KDM4C: variants seen among roughly 807,000 people sequenced by gnomAD.
KDM4C encodes the protein lysine-specific demethylase 4C.
KDM4C carries 81 observed loss-of-function variants against 129.3 expected under a neutral mutation model. The observed-to-expected ratio is 0.63, with a 90% CI of 0.52 to 0.75. The LOEUF (loss-of-function observed/expected upper bound fraction) is 0.75, where lower values mean the gene tolerates loss of function less well. Ranked by LOEUF, KDM4C falls within the 30% of genes least tolerant of loss-of-function variation. The pLI, the probability that KDM4C is intolerant of heterozygous loss-of-function variation, is 0.00. For missense variants in KDM4C, 1,457 were observed against 1,304.0 expected, an observed-to-expected ratio of 1.12 and a Z score of -1.81; for synonymous variants, 573 against 456.1, an observed-to-expected ratio of 1.26 and a Z score of -3.26.
intron 17 of KDM4C, among the ~76,000 whole-genome samples, chr9:7,050,628 A>T (rs1830030683): frequency 6.6e-6 from 1 of 152,110 alleles, no homozygotes; most frequent in Non-Finnish European, 1.5e-5. Flanking sequence ...ATATTTGTCA[A>T]AATTCTACAC....
At chr9:6,731,324 G>GTTTTTTTTTTTTTT (rs1563914599) in intron 1 of KDM4C, among the ~76,000 whole-genome samples, 1 of 92,946 alleles carries the variant, frequency 1.1e-5, no homozygotes, top group Non-Finnish European at 2.2e-5. Context: ...TTTTTTTTTT[G>GTTTTTTTTTTTTTT]CTTTTTTTTT....
intron 8 of KDM4C, among the ~76,000 whole-genome samples, chr9:6,960,553 G>A (rs1455495950): frequency 1.3e-5 from 2 of 152,084 alleles, no homozygotes; most frequent in Non-Finnish European, 2.9e-5. Context: ...GTCACTGTGC[G>A]TGGCCTATAA....
intron 8 of KDM4C, among the ~76,000 whole-genome samples, chr9:6,934,464 A>G (rs2131337026): frequency 6.8e-6 from 1 of 147,264 alleles, no homozygotes; most frequent in Admixed American, 6.7e-5. Context: ...TGGGTGACAG[A>G]GCAAGACCCC....
At chr9:6,798,655 A>G (rs573714096) in intron 2 of KDM4C, among the ~76,000 whole-genome samples, 182 of 152,318 alleles carry the variant, frequency 1.2e-3, no homozygotes, top group South Asian at 7.3e-3. Context: ...ACACAGACAC[A>G]GCAACCATCC....
Position 6,793,073 on chromosome 9 carries a change from T to C in KDM4C, c.85T>C (p.Phe29Leu). Residue 29 changes from phenylalanine (F) to leucine (L), a missense_variant, in exon 2 of 22, where the codon TTC becomes CTC. Coordinates refer to ENST00000381309, the MANE Select transcript of KDM4C (RefSeq NM_015061.6). ...ACCCTCCATGGAGGAGTTCCGGGAG[T>C]TCAACAAATACCTTGCATACATGGA... ...FRPSMEEFREFNKYLAYMESK... is the reference protein window; with the variant it reads ...FRPSMEEFRELNKYLAYMESK... 6.2e-7 allele frequency: 1 copy of C among 1,613,592 alleles called. No homozygotes were observed. Among genetic ancestry groups the C allele is most frequent in the Non-Finnish European group, 8.5e-7 (1 of 1,179,906 alleles).
chr9:7,017,384 T>C (rs1026719251), intron 15 of KDM4C, among the ~76,000 whole-genome samples: 2 of 152,224 alleles, frequency 1.3e-5, no homozygotes, highest in African/African-American at 2.4e-5. Context: ...ATCCCCTATT[T>C]AGAGACCAAG....
chr9:6,739,114 C>G (rs1257306888), intron 1 of KDM4C, among the ~76,000 whole-genome samples: 1 of 152,040 alleles, frequency 6.6e-6, no homozygotes, highest in Admixed American at 6.6e-5. Context: ...ACTCTGTCAC[C>G]TAAATTGGAG....
Position 7,113,799 on chromosome 9 carries a change from G to T in KDM4C, c.2610+9929G>T, listed in dbSNP as rs999410735. Among the ~76,000 whole-genome samples the T allele has an allele frequency of 7.2e-5, 11 of 152,308 alleles. No individual in the cohort carries two copies. The South Asian group carries it at 2.1e-3, about 29-fold the overall frequency. On this transcript the variant is annotated intron_variant, in intron 18 of 21. Coordinates refer to ENST00000381309, the MANE Select transcript of KDM4C (RefSeq NM_015061.6). Reference sequence around the variant, plus strand: ...CTGGGAAATGAGCTTCAGAGGACTGGTACTTCTCAGAATTCTGGATTCATG... The same window carrying T: ...CTGGGAAATGAGCTTCAGAGGACTGTTACTTCTCAGAATTCTGGATTCATG...
At chr9:7,016,362 T>A (rs1370142102) in intron 15 of KDM4C, among the ~76,000 whole-genome samples, 1 of 150,996 alleles carries the variant, frequency 6.6e-6, no homozygotes. Context: ...CTCCTGACCT[T>A]GTGATCTGCT....
chr9:7,072,908 AT>A (rs2132837902), intron 17 of KDM4C, among the ~76,000 whole-genome samples: 1 of 152,344 alleles, frequency 6.6e-6, no homozygotes, highest in Admixed American at 6.5e-5. Context: ...TCAAAACCAC[AT>A]TTTTAATGTT....
At chr9:6,823,031 C>T (rs926911188) in intron 4 of KDM4C, among the ~76,000 whole-genome samples, 2 of 152,170 alleles carry the variant, frequency 1.3e-5, no homozygotes, top group Admixed American at 1.3e-4. Context: ...AATGATGATT[C>T]TTCTCGTGGT....
At chr9:7,007,278 A>G (rs1821846274) in intron 12 of KDM4C, among the ~76,000 whole-genome samples, 1 of 152,226 alleles carries the variant, frequency 6.6e-6, no homozygotes, top group East Asian at 1.9e-4. Flanking sequence ...ACTGCATGTT[A>G]CTTGCTACAA....
chr9:7,062,628 C>A (rs562547495), intron 17 of KDM4C, among the ~76,000 whole-genome samples: 1 of 152,064 alleles, frequency 6.6e-6, no homozygotes, highest in Admixed American at 6.6e-5. Context: ...AAGTGATCCT[C>A]CTACCTTAGC....
chr9:7,166,851 C>G (rs1444824819), intron 20 of KDM4C, among the ~76,000 whole-genome samples: 9 of 152,018 alleles, frequency 5.9e-5, no homozygotes, highest in Admixed American at 3.3e-4. Context: ...TATTTATAGA[C>G]TCAATGAAAA....
intron 14 of KDM4C, among the ~76,000 whole-genome samples, chr9:7,014,915 A>AACACAT (rs151115793): frequency 4.3e-4 from 63 of 146,168 alleles, no homozygotes; most frequent in African/African-American, 1.5e-3. Flanking sequence ...GGCAATTTGT[A>AACACAT]ACACACACAC....
intron 17 of KDM4C, among the ~76,000 whole-genome samples, chr9:7,071,433 G>T (rs1286357443): frequency 6.6e-6 from 1 of 152,122 alleles, no homozygotes; most frequent in African/African-American, 2.4e-5. Context: ...GTGGTGAAGG[G>T]ATAGACATAT....
At chr9:6,850,697 G>A (rs1399676232) in intron 5 of KDM4C, among the ~76,000 whole-genome samples, 1 of 151,874 alleles carries the variant, frequency 6.6e-6, no homozygotes, top group Non-Finnish European at 1.5e-5. Flanking sequence ...CTCTCAAAGT[G>A]GTAGGATTAC....
At chr9:7,077,033 A>G (rs1179802919) in intron 17 of KDM4C, 1 of 985,386 alleles carries the variant, frequency 1.0e-6, no homozygotes, top group Non-Finnish European at 1.2e-6. Context: ...TTGCTGCACA[A>G]CAAAGCAACT....
chr9:7,081,671 C>T (rs1252666635), intron 17 of KDM4C, among the ~76,000 whole-genome samples: 1 of 152,148 alleles, frequency 6.6e-6, no homozygotes, highest in Non-Finnish European at 1.5e-5. Flanking sequence ...GAGCCCAGAG[C>T]CTACAGGGAT....
Sources: allele counts gnomAD v4.1 joint callset (sites outside exome capture counted in the v4.1 genomes callset), GRCh38; gene constraint gnomAD v4.1.1; transcripts MANE v1.5; gene names NCBI Gene and HGNC (gene_info 2026-07-23, HGNC 2026-07-21).